The following TH variants were observed in gnomAD, a reference collection of about 807,000 sequenced individuals.
TH encodes the protein tyrosine hydroxylase.
Under a neutral mutation model 57.4 loss-of-function variants are expected in TH, and 49 were observed. The observed-to-expected ratio is 0.85, with a 90% CI of 0.68 to 1.08. The LOEUF (loss-of-function observed/expected upper bound fraction) is 1.08. TH is among the 50% of genes least tolerant of loss of function. TH has a pLI of 0.00. For missense variants in TH, 720 were observed against 696.7 expected, an observed-to-expected ratio of 1.03 and a Z score of -0.38; for synonymous variants, 330 against 304.5, an observed-to-expected ratio of 1.08 and a Z score of -0.87.
chr11:2,167,026 C>A lies in TH; in HGVS notation c.702G>T (p.Glu234Asp), dbSNP rs1324380637. ...YTAEEIATWKEVYTTLKGLYA... is the reference protein window; with the variant it reads ...YTAEEIATWKDVYTTLKGLYA... ...AGAGGCCCTTCAGCGTGGTGTAGAC[C>A]TCCTTCCTGCGGGCAGCCAGGCTCA... The change falls in exon 7 of 13, where the codon GAG becomes GAT. Residue 234 changes from glutamate (E) to aspartate (D), a missense_variant. By Grantham distance (45) the Glu-to-Asp change is conservative. Coordinates refer to ENST00000352909, the MANE Select transcript of TH (RefSeq NM_000360.4). 1.3e-6 allele frequency: 2 copies of A among 1,581,330 alleles called. No homozygotes were observed. The highest frequency in any genetic ancestry group is 1.7e-6 in the Non-Finnish European group (2 of 1,163,856).
chr11:2,168,321 G>C (rs1160658004), intron 3 of TH, 142 bp from the exon 4 acceptor site: 1 of 1,336,834 alleles, frequency 7.5e-7, no homozygotes, highest in East Asian at 2.4e-5. Context: ...ATCCTGGAGT[G>C]GCCCCAGGCC....
intron 2 of TH, 83 bp downstream of exon 2, chr11:2,169,566 TG>T: frequency 7.2e-7 from 1 of 1,393,268 alleles, no homozygotes; most frequent in African/African-American, 1.4e-5. Context: ...GCTGCACCTC[TG>T]CTATAGAGGG....
At chr11:2,167,103 G>T (rs1265265970) in intron 6 of TH, 71 bp from the exon 7 acceptor site, 1 of 1,538,398 alleles carries the variant, frequency 6.5e-7, no homozygotes, top group Admixed American at 2.0e-5. Context: ...CTGAACTGTG[G>T]GTGCCTCTGC....
chr11:2,166,588 G>A (rs932228397), intron 8 of TH, 39 bp from the exon 9 acceptor site: 2 of 1,587,346 alleles, frequency 1.3e-6, no homozygotes, highest in Non-Finnish European at 1.7e-6. Context: ...GGGGCCGCCC[G>A]TCGCACCCCC....
chr11:2,169,577 G>A (rs1846195836), intron 2 of TH, 73 bp downstream of exon 2: 2 of 1,458,208 alleles, frequency 1.4e-6, no homozygotes, highest in African/African-American at 1.4e-5. Flanking sequence ...GCTATAGAGG[G>A]GTCAGGAACT....
chr11:2,166,128 G>T (rs1312763563), intron 9 of TH, 70 bp from the exon 10 acceptor site: 6 of 1,499,018 alleles, frequency 4.0e-6, no homozygotes, highest in Non-Finnish European at 5.4e-6. Flanking sequence ...GGGCACCGGG[G>T]GTGTCAGCAG....
Position 2,166,071 on chromosome 11 carries a change from G to T in TH, c.1048-13C>A. On this transcript the variant is annotated splice_polypyrimidine_tract_variant and intron_variant, in intron 9 of 12. Transcript: ENST00000352909. ...CCAGGCCAATGTCCTGTGGAGCAGG[G>T]AGGATGAAGGATGGGGAGAGGCAGC... 6.4e-7 allele frequency: 1 copy of T among 1,552,546 alleles called. No homozygotes were observed. The highest frequency in any genetic ancestry group is 2.4e-5 in the East Asian group (1 of 41,474).
rs1437393407 is a variant in TH at position 2,164,220 on chromosome 11, G to C, written c.*13C>G. The stretch of plus-strand genomic sequence containing the variant: ...AGGGGAGGTTGGGAAGGGCCCTCAG[G>C]GACGCCGTGCACCTAGCCAATGGCA... On this transcript the variant is annotated 3_prime_UTR_variant, in exon 13 of 13. Coordinates refer to ENST00000352909, the MANE Select transcript of TH (RefSeq NM_000360.4). 2.1e-6 allele frequency: 3 copies of C among 1,441,554 alleles called. No individual in the cohort carries two copies. The highest frequency in any genetic ancestry group is 1.8e-6 in the Non-Finnish European group (2 of 1,093,186). 89.3% of individuals were successfully genotyped at this position (1,441,554 alleles called of 1,614,324 possible).
rs573547573 is a variant in TH at position 2,171,744 on chromosome 11, G to A, written c.43C>T (p.Arg15Cys). ...DATTPQAKGF[R>C]RAVSELDAKQ... The stretch of plus-strand genomic sequence containing the variant: ...GCGTCCAGCTCAGACACGGCCCTGC[G>A]GAAGCCCTTGGCCTGTGGCGTGGTG... The change falls in exon 1 of 13, where the codon CGC (arginine) becomes TGC (cysteine). Residue 15 changes from arginine to cysteine, a missense_variant. Physicochemically the swap from Arg to Cys is radical, Grantham distance 180. Transcript: ENST00000352909. This position sits in a 1 kb window ranked among gnomAD's most constrained non-coding sequence, Gnocchi z 8.6. The A allele has an allele frequency of 2.7e-5, 43 of 1,612,728 alleles. No homozygotes were observed. The East Asian group carries it at 3.1e-4, about 12-fold the overall frequency.
intron 1 of TH, 112 bp from the exon 2 acceptor site, chr11:2,169,983 G>T: frequency 8.7e-7 from 1 of 1,145,318 alleles, no homozygotes; most frequent in Non-Finnish European, 1.3e-6. Context: ...GGCAGGGGAT[G>T]AGAGCACGTT....
In TH at chr11:2,170,790, T is replaced by C. The variant is rs1262784684; in HGVS notation, c.90+907A>G. The C allele has an allele frequency of 8.0e-6, 4 of 501,838 alleles. No homozygotes were observed. The African/African-American group carries it at 3.3e-4, about 42-fold the overall frequency. The allele number at this position is 501,838 out of a possible 1,614,324, so 31.1% of individuals were successfully genotyped here. A position where few individuals can be genotyped will look rare whatever the true frequency, so the allele number is the denominator to read the frequency against. On this transcript the variant is annotated intron_variant, in intron 1 of 12. Coordinates refer to ENST00000352909, the MANE Select transcript of TH (RefSeq NM_000360.4). The surrounding 1 kb of genome is among the most constrained non-coding windows in gnomAD (Gnocchi z 6.0). ...GGCGCCCTGGGGAGGGGATGCCTGA[T>C]GGGGAGCCTGGTGGGGGAGGGTAGG...
Position 2,167,424 on chromosome 11 carries a change from G to T in TH, c.695+11C>A. 1 of 1,559,374 alleles carries T rather than the reference G, an allele frequency of 6.4e-7. No individual in the cohort carries two copies. Among genetic ancestry groups the T allele is most frequent in the South Asian group, 1.2e-5 (1 of 84,688 alleles). ...GCTCCTCCCCAGCCCCTAGCTGCACGGAGGTCTCACCAGGTGGCAATCTCC... is the reference window on the plus strand; with the variant it reads ...GCTCCTCCCCAGCCCCTAGCTGCACTGAGGTCTCACCAGGTGGCAATCTCC... On this transcript the variant is annotated intron_variant, in intron 6 of 12. Transcript: ENST00000352909.
At position 2,170,183 on chromosome 11, in the gene TH, C is replaced by T. The variant is rs946400739; in HGVS notation, c.91-312G>A. Among the ~76,000 whole-genome samples, 5 of 152,272 alleles carry T rather than the reference C, an allele frequency of 3.3e-5. No homozygotes were observed. Among genetic ancestry groups the T allele is most frequent in the African/African-American group, 1.2e-4 (5 of 41,544 alleles). On this transcript the variant is annotated intron_variant, in intron 1 of 12. Coordinates refer to ENST00000352909, the MANE Select transcript of TH (RefSeq NM_000360.4). The surrounding 1 kb of genome is among the most constrained non-coding windows in gnomAD (Gnocchi z 6.0). ...AGACAGAGACGCTGTGTCACTCATCCCCAGGCCAGGCGCTAACTGGATTAG... is the reference window on the plus strand; with the variant it reads ...AGACAGAGACGCTGTGTCACTCATCTCCAGGCCAGGCGCTAACTGGATTAG...
rs537298558 is a variant in TH at position 2,164,157 on chromosome 11, C to G, written c.*76G>C. The G allele has an allele frequency of 3.1e-6, 4 of 1,284,660 alleles. No individual in the cohort carries two copies. The South Asian group carries it at 7.6e-5, about 24-fold the overall frequency. 79.6% of individuals were successfully genotyped at this position (1,284,660 alleles called of 1,614,324 possible). A position where few individuals can be genotyped will look rare whatever the true frequency, so the allele number is the denominator to read the frequency against. On this transcript the variant is annotated 3_prime_UTR_variant, in exon 13 of 13. Coordinates refer to ENST00000352909, the MANE Select transcript of TH (RefSeq NM_000360.4). ...GCATGGGGGGCACCCGGGACCCAGC[C>G]CCTCACCAGGGCCTGAGCTCCGGGA... is the stretch of plus-strand genomic sequence containing the variant.
At chr11:2,166,227 C>G in intron 9 of TH, 169 bp from the exon 10 acceptor site, 1 of 890,500 alleles carries the variant, frequency 1.1e-6, no homozygotes, top group Non-Finnish European at 1.8e-6. Context: ...CCTCCTCCTC[C>G]AGGCAGCCCT....
rs1486077522 is a variant in TH, at chr11:2,171,669, G to GA, written c.90+27_90+28insT. 5 of 1,607,546 alleles carry GA rather than the reference G, an allele frequency of 3.1e-6. No individual in the cohort carries two copies. The highest frequency in any genetic ancestry group is 4.2e-6 in the Non-Finnish European group (5 of 1,178,984). ...CAGCCCTGGGCTCCGGTCCACTGCG[G>GA]CCGCCGGGCACCTACCTGCCCTCTT... On this transcript the variant is annotated intron_variant, in intron 1 of 12. Transcript: ENST00000352909. This position sits in a 1 kb window ranked among gnomAD's most constrained non-coding sequence, Gnocchi z 8.6.
At position 2,171,074 on chromosome 11, in the gene TH, C is replaced by G. The variant is rs1051822965; in HGVS notation, c.90+623G>C. On this transcript the variant is annotated intron_variant, in intron 1 of 12. Transcript: ENST00000352909. This position sits in a 1 kb window ranked among gnomAD's most constrained non-coding sequence, Gnocchi z 8.6. Reference sequence around the variant, plus strand: ...TTCCGAGTGCAGGTCACAGGGAACACAGACTCCATGGTGAATGAATGAATG... The same window carrying G: ...TTCCGAGTGCAGGTCACAGGGAACAGAGACTCCATGGTGAATGAATGAATG... 8.5e-5 allele frequency among the ~76,000 whole-genome samples: 12 copies of G among 141,102 alleles called. No homozygotes were observed. Among genetic ancestry groups the G allele is most frequent in the African/African-American group, 3.1e-4 (12 of 38,554 alleles). The allele number at this position is 141,102 out of a possible 152,430, so 92.6% of individuals were successfully genotyped here.
Position 2,167,477 on chromosome 11 carries a change from G to C in TH, c.653C>G (p.Pro218Arg), listed in dbSNP as rs377729019. The part of the protein sequence containing the change: ...EIAFQYRHGD[P>R]IPRVEYTAEE... ...GGCGGTGTACTCCACACGGGGAATC[G>C]GGTCGCCGCTGGGGAGGGGGCCAGT... Residue 218 changes from proline (P) to arginine (R), a missense_variant, in exon 6 of 13, where the codon CCG (proline) becomes CGG (arginine). Transcript: ENST00000352909. 6.4e-7 allele frequency: 1 copy of C among 1,561,294 alleles called. No homozygotes were observed. Among genetic ancestry groups the C allele is most frequent in the African/African-American group, 1.4e-5 (1 of 73,820 alleles).
rs1846212520 is a variant in TH, at chr11:2,170,097, GT to G, written c.91-227del. Among the ~76,000 whole-genome samples, 1 of 152,218 alleles carries G rather than the reference GT, an allele frequency of 6.6e-6. No individual in the cohort carries two copies. Among genetic ancestry groups the G allele is most frequent in the Non-Finnish European group, 1.5e-5 (1 of 68,028 alleles). On this transcript the variant is annotated intron_variant, in intron 1 of 12. Coordinates refer to ENST00000352909, the MANE Select transcript of TH (RefSeq NM_000360.4). This position sits in a 1 kb window ranked among gnomAD's most constrained non-coding sequence, Gnocchi z 6.0. Reference sequence around the variant, plus strand: ...GGCAGCCCAGTCAGAAGCAGTGGTGGTGGGGGAGGAGTGGGGGCTGGGAAGG... The same window carrying G: ...GGCAGCCCAGTCAGAAGCAGTGGTGGGGGGGAGGAGTGGGGGCTGGGAAGG...
Sources: gnomAD v4.1 joint callset for allele counts (sites outside exome capture counted in the v4.1 genomes callset) on GRCh38, gnomAD v4.1.1 for gene constraint, Gnocchi (gnomAD v3.1) non-coding constraint, MANE v1.5 for transcripts, NCBI Gene and HGNC (gene_info 2026-07-23, HGNC 2026-07-21) for gene names.